Variants in PAH observed in about 807,000 individuals in gnomAD.
The protein encoded by PAH is phenylalanine-4-hydroxylase.
PAH carries 64 observed loss-of-function variants against 62.0 expected under a neutral mutation model. That is an observed-to-expected ratio of 1.03 (90% confidence interval 0.84 to 1.27). The LOEUF (loss-of-function observed/expected upper bound fraction) is 1.27, where lower values mean the gene tolerates loss of function less well. PAH is among the 50% of genes most tolerant of loss of function. The pLI is 0.00. For synonymous variants in PAH, 195 were observed against 196.2 expected, an observed-to-expected ratio of 0.99 and a Z score of 0.05; for missense variants, 579 against 542.8, an observed-to-expected ratio of 1.07 and a Z score of -0.66.
At chr12:102,867,000 C>A (rs935992430) in intron 4 of PAH, among the ~76,000 whole-genome samples, 1 of 152,186 alleles carries the variant, frequency 6.6e-6, no homozygotes, top group African/African-American at 2.4e-5. Flanking sequence ...TGAAGATGTA[C>A]AATATCCATT....
chr12:102,897,470 T>A lies in PAH; in HGVS notation c.169-2552A>T, dbSNP rs1216580670. On this transcript the variant is annotated intron_variant, in intron 2 of 12. Transcript: ENST00000553106. ...ATATATATGTGTGTGTGTGTGTATATATATATATATATATATATATATAAT... is the reference window on the plus strand; with the variant it reads ...ATATATATGTGTGTGTGTGTGTATAAATATATATATATATATATATATAAT... Among the ~76,000 whole-genome samples, 4 of 100,848 alleles carry A rather than the reference T, an allele frequency of 4.0e-5. No homozygotes were observed. The South Asian group carries it at 1.1e-3, about 28-fold the overall frequency. The allele number at this position is 100,848 out of a possible 152,430, so 66.2% of individuals were successfully genotyped here.
chr12:102,896,561 G>A (rs74727336), intron 2 of PAH, among the ~76,000 whole-genome samples: 15,687 of 152,246 alleles, frequency 0.1, 981 homozygotes, highest in Non-Finnish European at 0.14. Context: ...CAGACAAGAC[G>A]TGAAGGTGGC....
intron 1 of PAH, among the ~76,000 whole-genome samples, chr12:102,955,873 G>C (rs1014574008): frequency 5.9e-5 from 9 of 152,186 alleles, no homozygotes; most frequent in Admixed American, 3.3e-4. Flanking sequence ...GTGTGGCTGG[G>C]AAAGGTTACA....
chr12:102,958,345 C>G lies in PAH; in HGVS notation c.-246G>C, dbSNP rs1428646714. The G allele has an allele frequency of 1.4e-6, 2 of 1,436,488 alleles. No individual in the cohort carries two copies. The highest frequency in any genetic ancestry group is 1.8e-6 in the Non-Finnish European group (2 of 1,100,096). The allele number at this position is 1,436,488 out of a possible 1,614,324, so 89.0% of individuals were successfully genotyped here. ...CCGCCCGCAGCCTGTTTCTTTGCCA[C>G]GGCCGCAGCCGCGGCGGCCGCAGCC... On this transcript the variant is annotated 5_prime_UTR_variant, in exon 1 of 5. Coordinates refer to the PAH transcript ENST00000551337.
At position 102,935,465 on chromosome 12, in the gene PAH, A is replaced by G. The variant is rs370681542; in HGVS notation, c.-96+15124T>C. On this transcript the variant is annotated intron_variant, in intron 1 of 3. Coordinates refer to the PAH transcript ENST00000546844. The stretch of plus-strand genomic sequence containing the variant: ...TATTTGTCAGAATAGTTTGAGTAGT[A>G]TTGGTATTATCTCTTCTTTAAATGT... 3.9e-5 allele frequency among the ~76,000 whole-genome samples: 6 copies of G among 152,210 alleles called. No homozygotes were observed. In the South Asian group the frequency reaches 1.2e-3, roughly 32 times the overall value.
intron 1 of PAH, among the ~76,000 whole-genome samples, chr12:102,916,770 G>C (rs1368496903): frequency 6.6e-6 from 1 of 152,208 alleles, no homozygotes; most frequent in East Asian, 1.9e-4. Context: ...ACAACAGAGA[G>C]GGACAGTAAC....
chr12:102,906,596 AT>A (rs1443512110), intron 2 of PAH, among the ~76,000 whole-genome samples: 1 of 152,222 alleles, frequency 6.6e-6, no homozygotes, highest in African/African-American at 2.4e-5. Context: ...AAATATATAT[AT>A]AGTAATTCTT....
In PAH at chr12:102,866,593, T is replaced by TA; in HGVS notation, c.509+2dup. 1 of 1,612,234 alleles carries TA rather than the reference T, an allele frequency of 6.2e-7. No homozygotes were observed. The highest frequency in any genetic ancestry group is 1.3e-5 in the African/African-American group (1 of 74,974). ...TTCCCCTCAACAAGCAAGGCAGACT[T>TA]ACTGGCGGTAGTTGTAGGCAATGTC... On this transcript the variant is annotated splice_region_variant and intron_variant, in intron 5 of 12. Transcript: ENST00000553106.
At chr12:102,867,913 G>GTA (rs1467135200) in intron 4 of PAH, among the ~76,000 whole-genome samples, 1 of 139,332 alleles carries the variant, frequency 7.2e-6, no homozygotes, top group Non-Finnish European at 1.6e-5. Flanking sequence ...ATATATACAT[G>GTA]TATATACATA....
At chr12:102,939,953 G>A (rs996606467) in intron 1 of PAH, among the ~76,000 whole-genome samples, 2 of 152,204 alleles carry the variant, frequency 1.3e-5, no homozygotes, top group Non-Finnish European at 2.9e-5. Flanking sequence ...AGCACTGAGA[G>A]GATGGAGGCA....
intron 11 of PAH, among the ~76,000 whole-genome samples, chr12:102,841,984 A>AT (rs1874615052): frequency 1.3e-5 from 2 of 152,186 alleles, no homozygotes; most frequent in Non-Finnish European, 2.9e-5. Context: ...GGATGTGCAG[A>AT]TTCCTTGTTT....
At chr12:102,847,130 G>T in intron 8 of PAH, 179 bp from the exon 9 acceptor site, 1 of 639,864 alleles carries the variant, frequency 1.6e-6, no homozygotes, top group Non-Finnish European at 2.8e-6. Context: ...AGATCTCCAG[G>T]GTAGGGGGAT....
intron 1 of PAH, among the ~76,000 whole-genome samples, chr12:102,933,741 T>A (rs556247110): frequency 6.6e-6 from 1 of 152,290 alleles, no homozygotes; most frequent in Admixed American, 6.5e-5. Context: ...ATTTATATGT[T>A]TTCTTTTCAC....
rs1461043171 is a variant in PAH at position 102,868,074 on chromosome 12, ATATATGTGTGTGTG to A, written c.442-1425_442-1412del. Among the ~76,000 whole-genome samples the A allele has an allele frequency of 1.0e-3, 88 of 88,396 alleles. 6 individuals carry two copies. The highest frequency in any genetic ancestry group is 3.3e-3 in the South Asian group (9 of 2,712). 58.0% of individuals were successfully genotyped at this position (88,396 alleles called of 152,430 possible). A position where few individuals can be genotyped will look rare whatever the true frequency, so the allele number is the denominator to read the frequency against. On this transcript the variant is annotated intron_variant, in intron 4 of 12. Transcript: ENST00000553106. ...TGTATATATATACACATATATATAC[ATATATGTGTGTGTG>A]TATATATATATATATACACATATAT... is the stretch of plus-strand genomic sequence containing the variant.
At chr12:102,929,994 G>A (rs1432104452) in intron 1 of PAH, among the ~76,000 whole-genome samples, 2 of 152,030 alleles carry the variant, frequency 1.3e-5, no homozygotes, top group Non-Finnish European at 2.9e-5. Context: ...TATTAAGTTA[G>A]GGAACTTCTA....
At chr12:102,929,948 T>C (rs1380326344) in intron 1 of PAH, among the ~76,000 whole-genome samples, 1 of 152,258 alleles carries the variant, frequency 6.6e-6, no homozygotes, top group South Asian at 2.1e-4. Context: ...AGTCTAATCA[T>C]TGAGAAGATA....
chr12:102,873,509 T>G (rs1018353368), intron 4 of PAH, among the ~76,000 whole-genome samples: 2 of 151,438 alleles, frequency 1.3e-5, no homozygotes, highest in Non-Finnish European at 2.9e-5. Flanking sequence ...GATCTGGGGG[T>G]TTTTGCTGAG....
At chr12:102,894,124 T>C (rs1877392749) in intron 3 of PAH, among the ~76,000 whole-genome samples, 1 of 152,204 alleles carries the variant, frequency 6.6e-6, no homozygotes, top group African/African-American at 2.4e-5. Context: ...TTTTTGTATA[T>C]GGTAAAAGGC....
At chr12:102,917,264 G>A (rs1878422635), upstream of PAH, 3 of 775,748 alleles carry the variant, frequency 3.9e-6, no homozygotes, top group Non-Finnish European at 6.7e-6. Flanking sequence ...TGTCTCTTGC[G>A]TGGTGCATCT....
Sources: gnomAD v4.1 joint callset for allele counts (sites outside exome capture counted in the v4.1 genomes callset) on GRCh38, gnomAD v4.1.1 for gene constraint, MANE v1.5 for transcripts, NCBI Gene and HGNC (gene_info 2026-07-23, HGNC 2026-07-21) for gene names.